GALNTL6: variants seen among roughly 807,000 people sequenced by gnomAD.
GALNTL6 encodes polypeptide N-acetylgalactosaminyltransferase like 6, also known as polypeptide N-acetylgalactosaminyltransferase-like 6.
Under a neutral mutation model 73.7 loss-of-function variants are expected in GALNTL6, and 46 were observed. The ratio of observed to expected loss-of-function variants is 0.62; its 90% confidence interval spans 0.49 to 0.80. The LOEUF is 0.80. Ranked by LOEUF, GALNTL6 falls within the 30% of genes least tolerant of loss-of-function variation. The pLI is 0.00. For synonymous variants in GALNTL6, 259 were observed against 263.7 expected (o/e 0.98, Z 0.17); for missense variants, 604 against 755.0 (o/e 0.80, Z 2.34).
intron 5 of GALNTL6, among the ~76,000 whole-genome samples, chr4:172,705,870 T>C (rs1391346149): frequency 1.3e-5 from 2 of 152,148 alleles, no homozygotes; most frequent in East Asian, 1.9e-4. Context: ...TTATATATGA[T>C]TTAATTTTTT....
chr4:171,871,821 G>A (rs7655374), intron 2 of GALNTL6, among the ~76,000 whole-genome samples: 75,099 of 151,900 alleles, frequency 0.49, 20,223 homozygotes, highest in African/African-American at 0.72. Flanking sequence ...TAATAACAAC[G>A]TAGTCAACAT....
intron 5 of GALNTL6, among the ~76,000 whole-genome samples, chr4:172,607,447 A>T (rs1341523239): frequency 6.6e-6 from 1 of 152,184 alleles, no homozygotes; most frequent in Non-Finnish European, 1.5e-5. Flanking sequence ...CCCCAGCTGC[A>T]TCCAGGTTGC....
rs148651520 is a variant in GALNTL6 at position 172,961,642 on chromosome 4, T to C, written c.1371+9384T>C. On this transcript the variant is annotated intron_variant, in intron 10 of 12. Coordinates refer to ENST00000506823, the MANE Select transcript of GALNTL6 (RefSeq NM_001034845.3). ...TGTCTCTATCAGAAAAGGAAAGAAA[T>C]TGAAATTAAGAGAAGGGAGAGATTG... Among the ~76,000 whole-genome samples the C allele has an allele frequency of 3.3e-3, 502 of 151,998 alleles. 1 individual carries two copies. Among genetic ancestry groups the C allele is most frequent in the African/African-American group, 0.012 (482 of 41,430 alleles).
intron 2 of GALNTL6, among the ~76,000 whole-genome samples, chr4:171,915,852 A>G (rs1163615015): frequency 2.0e-5 from 3 of 152,110 alleles, no homozygotes; most frequent in East Asian, 1.9e-4. Context: ...CAACACTTGG[A>G]CTTCTGACTT....
chr4:172,374,311 G>A (rs1044013616), intron 5 of GALNTL6, among the ~76,000 whole-genome samples: 3 of 152,082 alleles, frequency 2.0e-5, no homozygotes, highest in East Asian at 1.9e-4. Context: ...GTTCCTCTTG[G>A]TTCCTATTTT....
At chr4:172,370,955 A>AC (rs1401525605) in intron 5 of GALNTL6, among the ~76,000 whole-genome samples, 3 of 152,314 alleles carry the variant, frequency 2.0e-5, no homozygotes, top group Middle Eastern at 3.4e-3. Context: ...CTTTTAGCAA[A>AC]CTTTACTTTA....
At chr4:172,088,730 A>T (rs1041303102) in intron 2 of GALNTL6, among the ~76,000 whole-genome samples, 1 of 152,134 alleles carries the variant, frequency 6.6e-6, no homozygotes, top group Admixed American at 6.6e-5. Flanking sequence ...GTTTCTCTTT[A>T]GCATATCTGG....
chr4:171,875,539 G>T (rs1736253919), intron 2 of GALNTL6, among the ~76,000 whole-genome samples: 1 of 152,090 alleles, frequency 6.6e-6, no homozygotes, highest in Admixed American at 6.6e-5. Context: ...TAACAGCAGG[G>T]CAGTGTTGCT....
intron 2 of GALNTL6, among the ~76,000 whole-genome samples, chr4:171,948,904 G>T (rs1267187769): frequency 6.6e-6 from 1 of 151,810 alleles, no homozygotes; most frequent in Non-Finnish European, 1.5e-5. Context: ...AAAGTCAATT[G>T]CAGAATAATA....
chr4:172,317,755 G>T (rs999450043), intron 4 of GALNTL6, among the ~76,000 whole-genome samples: 1 of 152,072 alleles, frequency 6.6e-6, no homozygotes, highest in Non-Finnish European at 1.5e-5. Context: ...AAATTTGCAA[G>T]GATAATTTTT....
intron 5 of GALNTL6, among the ~76,000 whole-genome samples, chr4:172,586,479 A>G (rs1031817425): frequency 6.6e-6 from 1 of 151,814 alleles, no homozygotes; most frequent in Middle Eastern, 3.2e-3. Context: ...AATTCAGAAA[A>G]AAAAAAAAAA....
rs140447318 is a variant in GALNTL6, at chr4:172,709,903, G to A, written c.554-99458G>A. ...GATGAAATTGACTAGAAAAACAAATGATTGTACCGCATTGACAAGCAAAGC... is the reference window on the plus strand; with the variant it reads ...GATGAAATTGACTAGAAAAACAAATAATTGTACCGCATTGACAAGCAAAGC... On this transcript the variant is annotated intron_variant, in intron 5 of 12. Coordinates refer to ENST00000506823, the MANE Select transcript of GALNTL6 (RefSeq NM_001034845.3). 1.9e-4 allele frequency among the ~76,000 whole-genome samples: 29 copies of A among 151,940 alleles called. No homozygotes were observed. In the East Asian group the frequency reaches 5.6e-3, roughly 30 times the overall value.
intron 2 of GALNTL6, among the ~76,000 whole-genome samples, chr4:171,905,102 C>T (rs1737232865): frequency 6.6e-6 from 1 of 152,100 alleles, no homozygotes; most frequent in African/African-American, 2.4e-5. Flanking sequence ...AGCAAAATAA[C>T]CAGCTAACAT....
intron 7 of GALNTL6, among the ~76,000 whole-genome samples, chr4:172,822,707 T>G (rs1742004053): frequency 6.6e-6 from 1 of 152,186 alleles, no homozygotes; most frequent in Non-Finnish European, 1.5e-5. Context: ...CAGCACCACC[T>G]AAGACATAGC....
chr4:172,050,541 G>A (rs1412174151), intron 2 of GALNTL6, among the ~76,000 whole-genome samples: 1 of 152,150 alleles, frequency 6.6e-6, no homozygotes, highest in Non-Finnish European at 1.5e-5. Context: ...AAAAAATGTA[G>A]AACAAAGAAC....
chr4:172,500,076 C>T (rs1024749869), intron 5 of GALNTL6, among the ~76,000 whole-genome samples: 1 of 151,920 alleles, frequency 6.6e-6, no homozygotes, highest in African/African-American at 2.4e-5. Flanking sequence ...GAGTAAATCC[C>T]AAATATAATA....
chr4:172,956,140 G>T lies in GALNTL6; in HGVS notation c.1371+3882G>T, dbSNP rs886822888. The stretch of plus-strand genomic sequence containing the variant: ...GGTGGGGCGGCAAAATTTTTGGGGG[G>T]TGGTATGGAGAGATAATGCGCGATG... On this transcript the variant is annotated intron_variant, in intron 10 of 12. Transcript: ENST00000506823. Among the ~76,000 whole-genome samples the T allele has an allele frequency of 3.3e-5, 5 of 152,028 alleles. No individual in the cohort carries two copies. The East Asian group carries it at 7.8e-4, about 24-fold the overall frequency.
intron 4 of GALNTL6, among the ~76,000 whole-genome samples, chr4:172,321,279 C>T (rs2111164205): frequency 6.6e-6 from 1 of 152,052 alleles, no homozygotes; most frequent in East Asian, 1.9e-4. Context: ...AGGCCAGTTA[C>T]TAAAAAAATA....
At chr4:172,964,033 GAATA>G (rs1750210477) in intron 10 of GALNTL6, among the ~76,000 whole-genome samples, 1 of 152,138 alleles carries the variant, frequency 6.6e-6, no homozygotes, top group African/African-American at 2.4e-5. Context: ...GTCCCAGAGA[GAATA>G]AATAGGATTC....
Sources: allele counts gnomAD v4.1 joint callset (sites outside exome capture counted in the v4.1 genomes callset), GRCh38; gene constraint gnomAD v4.1.1; transcripts MANE v1.5; gene names NCBI Gene and HGNC (gene_info 2026-07-23, HGNC 2026-07-21).